DPYS: variants seen among roughly 807,000 people sequenced by gnomAD.
The protein encoded by DPYS is dihydropyrimidine amidohydrolase.
DPYS carries 39 observed loss-of-function variants against 50.3 expected under a neutral mutation model. The observed-to-expected ratio is 0.78, with a 90% confidence interval of 0.60 to 1.01. DPYS has a LOEUF of 1.01. Ranked by LOEUF, DPYS falls within the 50% of genes least tolerant of loss-of-function variation. The pLI is 0.00. For missense variants in DPYS, 659 were observed against 680.9 expected, an observed-to-expected ratio of 0.97 and a Z score of 0.36; for synonymous variants, 245 against 250.7, an observed-to-expected ratio of 0.98 and a Z score of 0.22.
At position 104,466,559 on chromosome 8, in the gene DPYS, G is replaced by A. The variant is rs912232094; in HGVS notation, c.264+98C>T. On this transcript the variant is annotated intron_variant, in intron 1 of 9. Transcript: ENST00000351513. Reference sequence around the variant, plus strand: ...CGCCCACCCAGCTCCTCGGCGCCGCGCCGCGCGAGGCGGCCCTGCTGAGGA... The same window carrying A: ...CGCCCACCCAGCTCCTCGGCGCCGCACCGCGCGAGGCGGCCCTGCTGAGGA... The A allele has an allele frequency of 9.1e-6, 12 of 1,321,704 alleles. No individual in the cohort carries two copies. The African/African-American group carries it at 1.6e-4, about 17-fold the overall frequency. 81.9% of individuals were successfully genotyped at this position (1,321,704 alleles called of 1,614,324 possible). A position where few individuals can be genotyped will look rare whatever the true frequency, so the allele number is the denominator to read the frequency against.
At chr8:104,382,190 C>A (rs548840703) in intron 8 of DPYS, among the ~76,000 whole-genome samples, 3 of 152,170 alleles carry the variant, frequency 2.0e-5, no homozygotes, top group Admixed American at 1.3e-4. Flanking sequence ...ACACCAAACA[C>A]CGAGGATCCA....
intron 4 of DPYS, among the ~76,000 whole-genome samples, chr8:104,439,522 C>T (rs941407385): frequency 3.3e-5 from 5 of 152,138 alleles, no homozygotes; most frequent in Non-Finnish European, 7.3e-5. Flanking sequence ...GTAGCTCGCT[C>T]CTGTAATCCC....
intron 4 of DPYS, among the ~76,000 whole-genome samples, chr8:104,432,186 C>G (rs1255119382): frequency 6.6e-6 from 1 of 152,194 alleles, no homozygotes; most frequent in East Asian, 1.9e-4. Context: ...CATAGATGTT[C>G]TCTCCTTATT....
chr8:104,398,611 T>C (rs1009041052), intron 7 of DPYS, among the ~76,000 whole-genome samples: 20 of 152,264 alleles, frequency 1.3e-4, no homozygotes, highest in Non-Finnish European at 2.4e-4. Flanking sequence ...AAATCTGCTT[T>C]TGTGATAATT....
intron 8 of DPYS, among the ~76,000 whole-genome samples, chr8:104,390,457 T>C (rs1811351502): frequency 1.3e-5 from 2 of 152,066 alleles, no homozygotes; most frequent in Non-Finnish European, 2.9e-5. Flanking sequence ...TTGTGTGACT[T>C]GGACAAATTT....
At chr8:104,415,726 G>C (rs778167201) in intron 7 of DPYS, among the ~76,000 whole-genome samples, 2 of 151,904 alleles carry the variant, frequency 1.3e-5, no homozygotes, top group Non-Finnish European at 2.9e-5. Context: ...ATCCATCCAA[G>C]CTTCTTAATT....
At position 104,392,892 on chromosome 8, in the gene DPYS, T is replaced by C; in HGVS notation, c.1335A>G (p.Lys445=). 1 of 1,614,200 alleles carries C rather than the reference T, an allele frequency of 6.2e-7. No individual in the cohort carries two copies. The highest frequency in any genetic ancestry group is 2.2e-5 in the East Asian group (1 of 44,888). ...GVPLVTISRG[K]VVYEAGVFSV... Reference sequence around the variant, plus strand: ...TGAACACTCCGGCTTCATATACCACTTTGCCTCTTGAAATAGTCACAAGGG... The same window carrying C: ...TGAACACTCCGGCTTCATATACCACCTTGCCTCTTGAAATAGTCACAAGGG... The change falls in exon 8 of 10, where the codon AAA becomes AAG. Residue 445 remains lysine (K), a synonymous_variant. Coordinates refer to ENST00000351513, the MANE Select transcript of DPYS (RefSeq NM_001385.3).
intron 1 of DPYS, among the ~76,000 whole-genome samples, chr8:104,460,179 G>T (rs1814074178): frequency 1.3e-5 from 2 of 152,086 alleles, no homozygotes; most frequent in African/African-American, 4.8e-5. Flanking sequence ...TTGATTTCTA[G>T]ACTACCTCTC....
chr8:104,424,494 A>AT, intron 6 of DPYS, 105 bp from the exon 7 acceptor site: 1 of 1,188,300 alleles, frequency 8.4e-7, no homozygotes. Flanking sequence ...ACTGCACCTA[A>AT]TTTCTTATAT....
chr8:104,395,365 T>C (rs749125566), intron 7 of DPYS, among the ~76,000 whole-genome samples: 2 of 152,230 alleles, frequency 1.3e-5, no homozygotes, highest in Non-Finnish European at 2.9e-5. Flanking sequence ...CACATTTCTA[T>C]GAATGTTTAC....
intron 4 of DPYS, among the ~76,000 whole-genome samples, chr8:104,434,905 A>G (rs1235171335): frequency 2.0e-5 from 3 of 152,264 alleles, no homozygotes; most frequent in African/African-American, 4.8e-5. Context: ...ACTGTAAACC[A>G]AAACAACAGC....
chr8:104,443,328 T>C (rs1813415878), intron 4 of DPYS, among the ~76,000 whole-genome samples: 1 of 2,586 alleles, frequency 3.9e-4, no homozygotes, highest in African/African-American at 9.2e-4. Context: ...ATTTACATAC[T>C]AGGCTGAACA....
At chr8:104,453,913 T>G (rs1157566252) in intron 1 of DPYS, among the ~76,000 whole-genome samples, 1 of 152,138 alleles carries the variant, frequency 6.6e-6, no homozygotes, top group Admixed American at 6.5e-5. Context: ...AGTTTGAAAA[T>G]ATGATGCTAA....
rs1394954852 is a variant in DPYS, at chr8:104,379,739, T to A, written c.*119A>T. 4.4e-6 allele frequency: 2 copies of A among 455,366 alleles called. No homozygotes were observed. Among genetic ancestry groups the A allele is most frequent in the Non-Finnish European group, 8.8e-6 (2 of 226,472 alleles). 28.2% of individuals were successfully genotyped at this position (455,366 alleles called of 1,614,324 possible). A position where few individuals can be genotyped will look rare whatever the true frequency, so the allele number is the denominator to read the frequency against. On this transcript the variant is annotated 3_prime_UTR_variant, in exon 10 of 10. Coordinates refer to ENST00000351513, the MANE Select transcript of DPYS (RefSeq NM_001385.3). The stretch of plus-strand genomic sequence containing the variant: ...ATCAAAGAAGCCTATAGTGGTGAAT[T>A]TTTTCTAAAGGATCCTAGGGAGTTG...
chr8:104,447,402 C>CATGT lies in DPYS; in HGVS notation c.524_525insACAT (p.Tyr176HisfsTer41). On this transcript the variant is annotated frameshift_variant, in exon 3 of 10. Transcript: ENST00000351513. LOFTEE classifies it high-confidence loss of function. Reference sequence around the variant, plus strand: ...CCTTGCACCGAGAGAAGGCTTCGTACAGCTCCAGGTCTGTCACCATGTACA... The same window carrying CATGT: ...CCTTGCACCGAGAGAAGGCTTCGTACATGTAGCTCCAGGTCTGTCACCATGTACA... 6.2e-7 allele frequency: 1 copy of CATGT among 1,614,092 alleles called. No individual in the cohort carries two copies. The highest frequency in any genetic ancestry group is 1.3e-5 in the African/African-American group (1 of 75,014).
intron 7 of DPYS, among the ~76,000 whole-genome samples, chr8:104,408,345 T>C (rs1812063785): frequency 6.6e-6 from 1 of 152,140 alleles, no homozygotes; most frequent in Admixed American, 6.5e-5. Flanking sequence ...AAGACACAAA[T>C]AATATTATGT....
chr8:104,387,337 C>CAATA lies in DPYS; in HGVS notation c.1443+5443_1443+5446dup, dbSNP rs199827260. Among the ~76,000 whole-genome samples the CAATA allele has an allele frequency of 3.3e-5, 5 of 151,784 alleles. No individual in the cohort carries two copies. The East Asian group carries it at 5.8e-4, about 18-fold the overall frequency. ...AGTGGGAGAGGGAAAGATTTTGAAG[C>CAATA]AATAAATAAATAAATAAACAAACAA... On this transcript the variant is annotated intron_variant, in intron 8 of 9. Coordinates refer to ENST00000351513, the MANE Select transcript of DPYS (RefSeq NM_001385.3).
intron 7 of DPYS, among the ~76,000 whole-genome samples, chr8:104,423,270 C>T (rs949070868): frequency 1.3e-5 from 2 of 152,040 alleles, no homozygotes; most frequent in African/African-American, 2.4e-5. Flanking sequence ...TGAACTGGTC[C>T]CTGAGTGGGA....
Position 104,379,753 on chromosome 8 carries a change from C to T in DPYS, c.*105G>A, listed in dbSNP as rs1312808074. 6.6e-6 allele frequency: 3 copies of T among 456,326 alleles called. No individual in the cohort carries two copies. The highest frequency in any genetic ancestry group is 4.7e-5 in the South Asian group (3 of 64,516). The allele number at this position is 456,326 out of a possible 1,614,324, so 28.3% of individuals were successfully genotyped here. ...TAGTGGTGAATTTTTTCTAAAGGATCCTAGGGAGTTGAATAAGGCCTGCTT... is the reference window on the plus strand; with the variant it reads ...TAGTGGTGAATTTTTTCTAAAGGATTCTAGGGAGTTGAATAAGGCCTGCTT... On this transcript the variant is annotated 3_prime_UTR_variant, in exon 10 of 10. Coordinates refer to ENST00000351513, the MANE Select transcript of DPYS (RefSeq NM_001385.3).
Sources: allele counts gnomAD v4.1 joint callset (sites outside exome capture counted in the v4.1 genomes callset), GRCh38; gene constraint gnomAD v4.1.1; transcripts MANE v1.5; gene names NCBI Gene and HGNC (gene_info 2026-07-23, HGNC 2026-07-21).